ELAPOR1: variants seen among roughly 807,000 people sequenced by gnomAD.
ELAPOR1 encodes endosome-lysosome associated apoptosis and autophagy regulator 1.
ELAPOR1 carries 77 observed loss-of-function variants against 119.7 expected under a neutral mutation model. The ratio of observed to expected loss-of-function variants is 0.64; its 90% CI spans 0.54 to 0.78. The LOEUF is 0.78. ELAPOR1 is among the 30% of genes least tolerant of loss of function. ELAPOR1 has a pLI of 0.00. For synonymous variants in ELAPOR1, 481 were observed against 487.2 expected (o/e 0.99, Z 0.17); for missense variants, 1,115 against 1,270.4 (o/e 0.88, Z 1.86).
intron 15 of ELAPOR1, among the ~76,000 whole-genome samples, chr1:109,196,571 G>A (rs1653805813): frequency 6.6e-6 from 1 of 150,756 alleles, no homozygotes; most frequent in African/African-American, 2.4e-5. Context: ...TAGATCCTTA[G>A]TTCAAAGACA....
At chr1:109,137,450 C>T (rs1476164423) in intron 1 of ELAPOR1, among the ~76,000 whole-genome samples, 1 of 152,162 alleles carries the variant, frequency 6.6e-6, no homozygotes, top group African/African-American at 2.4e-5. Flanking sequence ...GTGATCTGCC[C>T]GCCTCGGCCG....
At chr1:109,178,862 G>T (rs949153372) in intron 7 of ELAPOR1, among the ~76,000 whole-genome samples, 1 of 152,034 alleles carries the variant, frequency 6.6e-6, no homozygotes, top group Non-Finnish European at 1.5e-5. Flanking sequence ...CTACTTGGGA[G>T]GCTGAGGCAG....
Position 109,205,996 on chromosome 1 carries a change from G to A in ELAPOR1, c.*2984G>A, listed in dbSNP as rs1395224891. 1.3e-5 allele frequency: 2 copies of A among 152,016 alleles called. No individual in the cohort carries two copies. Among genetic ancestry groups the A allele is most frequent in the Non-Finnish European group, 2.9e-5 (2 of 68,004 alleles). 9.4% of individuals were successfully genotyped at this position (152,016 alleles called of 1,614,324 possible). The stretch of plus-strand genomic sequence containing the variant: ...CACAGAGTTGTCCGCCCACTTGAGA[G>A]CAAACACATGTTCAATTTTCTTTTC... On this transcript the variant is annotated 3_prime_UTR_variant, in exon 22 of 22. Transcript: ENST00000369939.
Position 109,121,737 on chromosome 1 carries a change from G to T in ELAPOR1, c.153+7401G>T, listed in dbSNP as rs564342419. 3.3e-5 allele frequency among the ~76,000 whole-genome samples: 5 copies of T among 151,738 alleles called. No individual in the cohort carries two copies. In the South Asian group the frequency reaches 1.0e-3, roughly 32 times the overall value. ...AAATATGGATCTTTCATACTCCAGT[G>T]GCCCAATAATGGAGGTCTTCTTTGC... On this transcript the variant is annotated intron_variant, in intron 1 of 21. Coordinates refer to ENST00000369939, the MANE Select transcript of ELAPOR1 (RefSeq NM_020775.5).
At chr1:109,137,202 A>ATTAT (rs1448248249) in intron 1 of ELAPOR1, among the ~76,000 whole-genome samples, 3 of 152,026 alleles carry the variant, frequency 2.0e-5, no homozygotes, top group Non-Finnish European at 4.4e-5. Flanking sequence ...AAAATATTTG[A>ATTAT]TTATTTATTT....
rs367761589 is a variant in ELAPOR1 at position 109,163,738 on chromosome 1, C to A, written c.275-761C>A. Among the ~76,000 whole-genome samples the A allele has an allele frequency of 1.0e-3, 157 of 152,124 alleles. 2 individuals carry two copies. The South Asian group carries it at 0.032, about 31-fold the overall frequency. ...AAGGTACCTCTGACCACAGAATGAGCAAAAATAAGAATAGGGAACTAGTTA... is the reference window on the plus strand; with the variant it reads ...AAGGTACCTCTGACCACAGAATGAGAAAAAATAAGAATAGGGAACTAGTTA... On this transcript the variant is annotated intron_variant, in intron 2 of 21. Transcript: ENST00000369939.
At chr1:109,170,656 A>G (rs932162195) in intron 3 of ELAPOR1, among the ~76,000 whole-genome samples, 1 of 152,198 alleles carries the variant, frequency 6.6e-6, no homozygotes, top group African/African-American at 2.4e-5. Context: ...TTTGTACCCT[A>G]TCCTAAGGGC....
intron 1 of ELAPOR1, among the ~76,000 whole-genome samples, chr1:109,158,506 T>G (rs1651033626): frequency 6.6e-6 from 1 of 152,132 alleles, no homozygotes. Flanking sequence ...GAGTATTACA[T>G]GGCTGGGTGA....
At chr1:109,155,659 A>G (rs676961) in intron 1 of ELAPOR1, among the ~76,000 whole-genome samples, 35,530 of 152,192 alleles carry the variant, frequency 0.23, 4,488 homozygotes, top group Middle Eastern at 0.33. Context: ...AACAAAAATT[A>G]GCACTTAATA....
At chr1:109,125,839 A>G (rs561171372) in intron 1 of ELAPOR1, among the ~76,000 whole-genome samples, 30 of 152,340 alleles carry the variant, frequency 2.0e-4, no homozygotes, top group Admixed American at 1.7e-3. Context: ...CTTTTTTTCC[A>G]GGAGGAAAAG....
intron 1 of ELAPOR1, among the ~76,000 whole-genome samples, chr1:109,144,345 C>T (rs72701021): frequency 0.072 from 10,999 of 151,854 alleles, 451 homozygotes; most frequent in Non-Finnish European, 0.09. Flanking sequence ...AGCCATCGCA[C>T]CCAGACTAAA....
intron 7 of ELAPOR1, among the ~76,000 whole-genome samples, chr1:109,176,892 G>T (rs895923331): frequency 6.0e-4 from 87 of 145,748 alleles, no homozygotes; most frequent in South Asian, 5.0e-3. Flanking sequence ...AGTGGATACA[G>T]CACATGTTTC....
intron 1 of ELAPOR1, among the ~76,000 whole-genome samples, chr1:109,120,633 T>C (rs1241259203): frequency 2.0e-5 from 3 of 152,102 alleles, no homozygotes; most frequent in Non-Finnish European, 4.4e-5. Context: ...CCAAACAGAC[T>C]AGGCAGTCAC....
chr1:109,167,571 C>T (rs1014626456), intron 3 of ELAPOR1, among the ~76,000 whole-genome samples: 3 of 152,314 alleles, frequency 2.0e-5, no homozygotes, highest in Non-Finnish European at 2.9e-5. Context: ...TTCCCAGCCT[C>T]CTCCAGGCCT....
chr1:109,179,977 G>T (rs571679634), intron 7 of ELAPOR1, among the ~76,000 whole-genome samples: 1 of 152,288 alleles, frequency 6.6e-6, no homozygotes, highest in South Asian at 2.1e-4. Flanking sequence ...GCCATGCAGA[G>T]GAGGGAGGGA....
At chr1:109,193,658 T>G (rs1258029439) in intron 14 of ELAPOR1, among the ~76,000 whole-genome samples, 1 of 152,258 alleles carries the variant, frequency 6.6e-6, no homozygotes, top group East Asian at 1.9e-4. Context: ...TAATCGATGC[T>G]TTTAAATGAA....
chr1:109,183,900 G>A (rs1451857831), intron 7 of ELAPOR1, among the ~76,000 whole-genome samples: 1 of 151,966 alleles, frequency 6.6e-6, no homozygotes, highest in East Asian at 1.9e-4. Flanking sequence ...ATGCCCAGCA[G>A]TTAACATTTT....
At position 109,204,534 on chromosome 1, in the gene ELAPOR1, C is replaced by G. The variant is rs930912089; in HGVS notation, c.*1522C>G. 1.3e-5 allele frequency: 2 copies of G among 152,238 alleles called. No homozygotes were observed. Among genetic ancestry groups the G allele is most frequent in the Non-Finnish European group, 2.9e-5 (2 of 68,074 alleles). The allele number at this position is 152,238 out of a possible 1,614,324, so 9.4% of individuals were successfully genotyped here. A position where few individuals can be genotyped will look rare whatever the true frequency, so the allele number is the denominator to read the frequency against. On this transcript the variant is annotated 3_prime_UTR_variant, in exon 22 of 22. Transcript: ENST00000369939. ...TAGAAGTTTGGGCCATATTATGGAA[C>G]AGGGGTCTCTTATTTGAAAAGAGCA...
At chr1:109,175,271 C>T (rs1016468770) in intron 7 of ELAPOR1, among the ~76,000 whole-genome samples, 67 of 151,702 alleles carry the variant, frequency 4.4e-4, no homozygotes, top group Admixed American at 1.2e-3. Context: ...GGCGTGATCT[C>T]GGCTCACCAC....
Sources: gnomAD v4.1 joint callset for allele counts (sites outside exome capture counted in the v4.1 genomes callset) on GRCh38, gnomAD v4.1.1 for gene constraint, MANE v1.5 for transcripts, NCBI Gene and HGNC (gene_info 2026-07-23, HGNC 2026-07-21) for gene names.